VGLL4: variants seen among roughly 807,000 people sequenced by gnomAD.
VGLL4 encodes vestigial like family member 4, also known as transcription cofactor vestigial-like protein 4.
VGLL4 carries 7 observed loss-of-function variants against 21.0 expected under a neutral mutation model. That is an observed-to-expected ratio of 0.33 (90% CI 0.19 to 0.63). The LOEUF is 0.63. VGLL4 is among the 20% of genes least tolerant of loss of function. The pLI, the probability that VGLL4 is intolerant of heterozygous loss-of-function variation, is 0.78. For missense variants in VGLL4, 394 were observed against 425.7 expected, an observed-to-expected ratio of 0.93 and a Z score of 0.66; for synonymous variants, 222 against 173.2, an observed-to-expected ratio of 1.28 and a Z score of -2.21.
chr3:11,598,463 A>G (rs2074701767), intron 2 of VGLL4, among the ~76,000 whole-genome samples: 1 of 149,344 alleles, frequency 6.7e-6, no homozygotes, highest in African/African-American at 2.5e-5. Context: ...TACCGAAACT[A>G]TTTTTTCTTT....
chr3:11,688,875 G>A (rs781282005), intron 2 of VGLL4, among the ~76,000 whole-genome samples: 3 of 152,000 alleles, frequency 2.0e-5, no homozygotes, highest in African/African-American at 4.8e-5. Context: ...AAAATTAGCC[G>A]GGCATGATGG....
intron 1 of VGLL4, among the ~76,000 whole-genome samples, chr3:11,703,242 T>C (rs1422874697): frequency 1.3e-5 from 2 of 152,230 alleles, no homozygotes; most frequent in East Asian, 3.8e-4. Context: ...TTTAGTCTAC[T>C]AAGCTAAACT....
At chr3:11,705,231 G>A (rs997419091) in intron 1 of VGLL4, among the ~76,000 whole-genome samples, 1 of 152,232 alleles carries the variant, frequency 6.6e-6, no homozygotes, top group Non-Finnish European at 1.5e-5. Flanking sequence ...GGAGTAGATA[G>A]AGCTCGGGAA....
chr3:11,638,725 C>T (rs909044614), intron 1 of VGLL4, among the ~76,000 whole-genome samples: 12 of 152,122 alleles, frequency 7.9e-5, no homozygotes, highest in African/African-American at 2.4e-4. Context: ...AATGGCCCTG[C>T]GCTGTGGCCT....
intron 1 of VGLL4, among the ~76,000 whole-genome samples, chr3:11,715,286 G>A (rs956873249): frequency 2.0e-5 from 3 of 152,150 alleles, no homozygotes; most frequent in African/African-American, 7.2e-5. Context: ...ATGACACAGT[G>A]CAACATTAGG....
intron 1 of VGLL4, among the ~76,000 whole-genome samples, chr3:11,615,555 T>G (rs1228290846): frequency 1.3e-5 from 2 of 152,260 alleles, no homozygotes; most frequent in African/African-American, 4.8e-5. Context: ...GATTGCTCCT[T>G]GCTCTGTTAG....
At chr3:11,592,747 G>C (rs997949891) in intron 2 of VGLL4, among the ~76,000 whole-genome samples, 1 of 152,156 alleles carries the variant, frequency 6.6e-6, no homozygotes, top group South Asian at 2.1e-4. Context: ...GTACTTACCA[G>C]AGTGTGTGAC....
intron 1 of VGLL4, among the ~76,000 whole-genome samples, chr3:11,609,426 G>A (rs530011380): frequency 1.3e-5 from 2 of 152,268 alleles, no homozygotes; most frequent in South Asian, 4.1e-4. Flanking sequence ...CATGATTAAG[G>A]GAGATTTCAT....
chr3:11,689,231 T>G (rs1270748520), intron 2 of VGLL4, among the ~76,000 whole-genome samples: 3 of 152,188 alleles, frequency 2.0e-5, no homozygotes. Flanking sequence ...AAATGCATCT[T>G]CTTTTCAATG....
chr3:11,559,580 C>T, intron 3 of VGLL4, 125 bp from the exon 4 acceptor site: 1 of 1,346,372 alleles, frequency 7.4e-7, no homozygotes, highest in South Asian at 1.7e-5. Flanking sequence ...TGCCACCTCC[C>T]ACTTCAATAC....
intron 1 of VGLL4, among the ~76,000 whole-genome samples, chr3:11,637,895 G>A (rs1441103012): frequency 1.3e-5 from 2 of 152,148 alleles, no homozygotes; most frequent in African/African-American, 4.8e-5. Context: ...ATACAATGCA[G>A]AGCAAGTCTT....
intron 2 of VGLL4, among the ~76,000 whole-genome samples, chr3:11,652,128 G>A (rs1159760296): frequency 6.6e-6 from 1 of 152,046 alleles, no homozygotes; most frequent in Non-Finnish European, 1.5e-5. Context: ...CACCCTCTAG[G>A]GGTGAACTTT....
chr3:11,717,946 T>C (rs1015986447), intron 1 of VGLL4, among the ~76,000 whole-genome samples: 2 of 152,198 alleles, frequency 1.3e-5, no homozygotes, highest in African/African-American at 4.8e-5. Context: ...TCAGTGACAC[T>C]GATAGGACTA....
At chr3:11,656,158 G>T (rs1374278924) in intron 2 of VGLL4, among the ~76,000 whole-genome samples, 1 of 152,238 alleles carries the variant, frequency 6.6e-6, no homozygotes. Context: ...AAAGGCTCAT[G>T]ATCCCTAAGG....
At chr3:11,650,551 T>C (rs2075855410) in intron 2 of VGLL4, among the ~76,000 whole-genome samples, 1 of 152,194 alleles carries the variant, frequency 6.6e-6, no homozygotes, top group African/African-American at 2.4e-5. Context: ...AAGTCTAACA[T>C]AACATCTCCA....
intron 1 of VGLL4, among the ~76,000 whole-genome samples, chr3:11,710,970 AG>A (rs1237802159): frequency 2.0e-5 from 3 of 151,898 alleles, no homozygotes; most frequent in Non-Finnish European, 4.4e-5. Flanking sequence ...CGTGGTGGTG[AG>A]CACCTGTAAT....
intron 2 of VGLL4, among the ~76,000 whole-genome samples, chr3:11,657,390 G>A (rs560970886): frequency 9.4e-4 from 143 of 152,256 alleles, no homozygotes; most frequent in African/African-American, 3.4e-3. Flanking sequence ...AATGTGGCAA[G>A]CAAATGAGAG....
intron 2 of VGLL4, among the ~76,000 whole-genome samples, chr3:11,566,157 G>C (rs2073490221): frequency 6.6e-6 from 1 of 152,116 alleles, no homozygotes; most frequent in African/African-American, 2.4e-5. Flanking sequence ...CACACACAAT[G>C]AATGTTACAC....
chr3:11,598,836 C>T (rs73814911), intron 2 of VGLL4, among the ~76,000 whole-genome samples: 18,356 of 152,090 alleles, frequency 0.12, 1,327 homozygotes, highest in East Asian at 0.25. Context: ...ATTATTATGA[C>T]TGCTTTAGTG....
Sources: gnomAD v4.1 joint callset for allele counts (sites outside exome capture counted in the v4.1 genomes callset) on GRCh38, gnomAD v4.1.1 for gene constraint, MANE v1.5 for transcripts, NCBI Gene and HGNC (gene_info 2026-07-23, HGNC 2026-07-21) for gene names.